The following CDH12 variants were observed in gnomAD, a reference collection of about 807,000 sequenced individuals.
The protein encoded by CDH12 is cadherin-12.
CDH12 carries 41 observed loss-of-function variants against 74.1 expected under a neutral mutation model. The observed-to-expected ratio is 0.55, with a 90% CI of 0.43 to 0.72. The LOEUF is 0.72. Among genes scored for constraint, CDH12 ranks in the 30% least tolerant of loss-of-function variants. The pLI is 0.00. For missense variants in CDH12, 945 were observed against 977.2 expected (o/e 0.97, Z 0.44); for synonymous variants, 399 against 355.0 (o/e 1.12, Z -1.39).
chr5:22,190,283 C>A (rs1182712056), intron 4 of CDH12, among the ~76,000 whole-genome samples: 1 of 151,914 alleles, frequency 6.6e-6, no homozygotes, highest in African/African-American at 2.4e-5. Context: ...TTTCATTTTT[C>A]AAGTACATTT....
At chr5:22,686,378 T>C (rs746180941) in intron 1 of CDH12, among the ~76,000 whole-genome samples, 2 of 152,212 alleles carry the variant, frequency 1.3e-5, no homozygotes, top group Non-Finnish European at 2.9e-5. Context: ...ATACTTTTGA[T>C]TTTGATAAAG....
chr5:22,321,061 T>C (rs998182211), intron 3 of CDH12, among the ~76,000 whole-genome samples: 1 of 152,168 alleles, frequency 6.6e-6, no homozygotes, highest in Non-Finnish European at 1.5e-5. Flanking sequence ...AAAATAATTA[T>C]CATTCTGTGA....
chr5:22,213,154 C>T (rs1342606132), intron 3 of CDH12, among the ~76,000 whole-genome samples: 2 of 152,130 alleles, frequency 1.3e-5, no homozygotes, highest in East Asian at 3.9e-4. Flanking sequence ...CTCTGCCGCT[C>T]GCCTGCTACA....
chr5:21,991,215 T>C (rs2150135532), intron 5 of CDH12, among the ~76,000 whole-genome samples: 1 of 151,914 alleles, frequency 6.6e-6, no homozygotes, highest in Non-Finnish European at 1.5e-5. Context: ...TATTTCTCTA[T>C]GGTTGTGCAC....
At chr5:22,138,374 A>G (rs1746578471) in intron 4 of CDH12, among the ~76,000 whole-genome samples, 1 of 151,730 alleles carries the variant, frequency 6.6e-6, no homozygotes, top group South Asian at 2.1e-4. Flanking sequence ...GAAAGATTAA[A>G]ACTATATTTA....
intron 1 of CDH12, among the ~76,000 whole-genome samples, chr5:22,703,514 G>A (rs947795436): frequency 6.6e-6 from 1 of 152,094 alleles, no homozygotes; most frequent in African/African-American, 2.4e-5. Context: ...CCCCCAAAAT[G>A]AGTGAGTGTC....
chr5:22,828,181 C>G (rs10078060), intron 1 of CDH12, among the ~76,000 whole-genome samples: 1 of 152,032 alleles, frequency 6.6e-6, no homozygotes, highest in Non-Finnish European at 1.5e-5. Context: ...GAAATAAGTG[C>G]AAACCCTTAC....
intron 1 of CDH12, among the ~76,000 whole-genome samples, chr5:22,822,363 A>C (rs1276092863): frequency 6.6e-6 from 1 of 152,140 alleles, no homozygotes; most frequent in Non-Finnish European, 1.5e-5. Context: ...AATGGCAACA[A>C]AAGCCAAAAT....
chr5:22,078,389 A>T (rs1742478684), intron 5 of CDH12, 57 bp downstream of exon 5: 2 of 1,468,186 alleles, frequency 1.4e-6, no homozygotes, highest in Non-Finnish European at 1.9e-6. Context: ...CATACAAAAT[A>T]CACAATGCAT....
At chr5:21,880,502 C>CTT (rs1269298275) in intron 6 of CDH12, among the ~76,000 whole-genome samples, 3 of 4,914 alleles carry the variant, frequency 6.1e-4, no homozygotes, top group Non-Finnish European at 8.5e-3. Flanking sequence ...TTCCTTCCTT[C>CTT]CTCCCTCCCT....
chr5:22,379,685 G>A (rs1205332561), intron 3 of CDH12, among the ~76,000 whole-genome samples: 1 of 152,150 alleles, frequency 6.6e-6, no homozygotes, highest in Non-Finnish European at 1.5e-5. Flanking sequence ...GACTGTGAGA[G>A]TCTACTGGCC....
intron 3 of CDH12, among the ~76,000 whole-genome samples, chr5:22,238,296 A>T (rs985486496): frequency 3.9e-5 from 6 of 152,218 alleles, no homozygotes; most frequent in African/African-American, 1.4e-4. Context: ...CTTGTGTAAT[A>T]CACTGAGTTT....
chr5:22,593,705 C>T (rs1247152721), intron 1 of CDH12, among the ~76,000 whole-genome samples: 1 of 152,082 alleles, frequency 6.6e-6, no homozygotes, highest in East Asian at 1.9e-4. Context: ...CAGTAAGGAC[C>T]AAATGACTGA....
At chr5:22,574,174 G>C (rs913273679) in intron 1 of CDH12, among the ~76,000 whole-genome samples, 30 of 148,330 alleles carry the variant, frequency 2.0e-4, no homozygotes, top group African/African-American at 7.3e-4. Flanking sequence ...CTGCCTCCTG[G>C]GTTCAAGTGG....
intron 1 of CDH12, among the ~76,000 whole-genome samples, chr5:22,660,609 A>T: frequency 6.6e-6 from 1 of 152,116 alleles, no homozygotes; most frequent in Non-Finnish European, 1.5e-5. Flanking sequence ...GTAAAGATGA[A>T]GTCTCACCAT....
In CDH12 at chr5:22,566,283, G is replaced by A. The variant is rs148051858; in HGVS notation, c.-522-60919C>T. ...GATGGAGTCTCACTCTGTTGCTGAG[G>A]CTGGAGTGCAGTGGCACAATCTCCA... On this transcript the variant is annotated intron_variant, in intron 1 of 14. Transcript: ENST00000382254. Among the ~76,000 whole-genome samples the A allele has an allele frequency of 3.2e-3, 480 of 150,554 alleles. 1 individual carries two copies. The highest frequency in any genetic ancestry group is 0.011 in the African/African-American group (467 of 40,960).
chr5:21,765,065 C>A lies in CDH12; in HGVS notation c.1428G>T (p.Leu476=). 6.2e-7 allele frequency: 1 copy of A among 1,606,406 alleles called. No homozygotes were observed. The highest frequency in any genetic ancestry group is 8.5e-7 in the Non-Finnish European group (1 of 1,175,258). The stretch of plus-strand genomic sequence containing the variant: ...ATTCATTTACATCTAAGACATTAAT[C>A]AGTATATTGACTTTGCTGGTCAATA... ...NPLLTSKVNI[L]INVLDVNEFP... is the part of the protein sequence containing the mutation. The change falls in exon 12 of 15, where the codon CTG becomes CTT. Residue 476 remains leucine, a synonymous_variant. Transcript: ENST00000382254.
intron 4 of CDH12, among the ~76,000 whole-genome samples, chr5:22,179,867 A>C (rs1749541197): frequency 1.3e-5 from 2 of 152,180 alleles, no homozygotes; most frequent in African/African-American, 2.4e-5. Flanking sequence ...CATCTTAAAA[A>C]ATAAGAAACA....
rs183950781 is a variant in CDH12 at position 22,295,542 on chromosome 5, C to T, written c.-332-82899G>A. On this transcript the variant is annotated intron_variant, in intron 3 of 14. Transcript: ENST00000382254. ...ACCTACAGAAATAAAAGCACCAATG[C>T]CTGGGGGAATATGAACAAATATTTT... Among the ~76,000 whole-genome samples, 25 of 152,090 alleles carry T rather than the reference C, an allele frequency of 1.6e-4. No individual in the cohort carries two copies. The East Asian group carries it at 4.8e-3, about 29-fold the overall frequency.
Sources: allele counts gnomAD v4.1 joint callset (sites outside exome capture counted in the v4.1 genomes callset), GRCh38; gene constraint gnomAD v4.1.1; transcripts MANE v1.5; gene names NCBI Gene and HGNC (gene_info 2026-07-23, HGNC 2026-07-21).